DNAAF11: variants seen among roughly 807,000 people sequenced by gnomAD.
The protein encoded by DNAAF11 is leucine rich repeat containing 6.
Under a neutral mutation model 60.8 loss-of-function variants are expected in DNAAF11, and 45 were observed. The observed-to-expected ratio is 0.74, with a 90% CI of 0.58 to 0.95. The LOEUF (loss-of-function observed/expected upper bound fraction) is 0.95. Among genes scored for constraint, DNAAF11 ranks in the 40% least tolerant of loss-of-function variants. The pLI is 0.00. For missense variants in DNAAF11, 546 were observed against 546.2 expected (o/e 1.00, Z 0.00); for synonymous variants, 191 against 183.5 (o/e 1.04, Z -0.33).
intron 10 of DNAAF11, among the ~76,000 whole-genome samples, chr8:132,585,081 A>C (rs1257110116): frequency 6.6e-6 from 1 of 152,166 alleles, no homozygotes. Context: ...TAAATCCCCA[A>C]AGCCTAGCCC....
intron 10 of DNAAF11, among the ~76,000 whole-genome samples, chr8:132,607,437 G>C (rs1818240649): frequency 6.6e-6 from 1 of 152,106 alleles, no homozygotes; most frequent in Non-Finnish European, 1.5e-5. Context: ...TTGGAACAAG[G>C]GGCTGAGCTG....
chr8:132,654,860 T>TAA (rs1261886237), intron 3 of DNAAF11, among the ~76,000 whole-genome samples: 1 of 151,812 alleles, frequency 6.6e-6, no homozygotes, highest in Non-Finnish European at 1.5e-5. Flanking sequence ...TTGTCTGTCT[T>TAA]AAGAAACTAG....
At chr8:132,595,707 G>C (rs1816944010) in intron 10 of DNAAF11, among the ~76,000 whole-genome samples, 1 of 152,018 alleles carries the variant, frequency 6.6e-6, no homozygotes, top group Admixed American at 6.6e-5. Flanking sequence ...TTTACATTGT[G>C]TTCTATTTCT....
At chr8:132,602,582 T>A (rs965474876) in intron 10 of DNAAF11, among the ~76,000 whole-genome samples, 1 of 151,918 alleles carries the variant, frequency 6.6e-6, no homozygotes, top group Non-Finnish European at 1.5e-5. Flanking sequence ...TTCTAACAAT[T>A]TAATGCCCAC....
chr8:132,683,254 G>A, the DNAAF11 span, among the ~76,000 whole-genome samples: 1 of 152,198 alleles, frequency 6.6e-6, no homozygotes, highest in Non-Finnish European at 1.5e-5. Context: ...TCAATGACTT[G>A]TCTATGTAGA....
intron 10 of DNAAF11, among the ~76,000 whole-genome samples, chr8:132,598,320 T>C (rs1336130245): frequency 2.0e-5 from 3 of 152,208 alleles, no homozygotes; most frequent in African/African-American, 7.2e-5. Flanking sequence ...GTGTTTTCTA[T>C]GACATGACAC....
rs559073925 is a variant in DNAAF11, at chr8:132,572,243, G to A, written c.*63C>T. ...TTATCCCAGGAATAATATGCATATG[G>A]TCTCTACACCAACCAAAACTGGACC... On this transcript the variant is annotated 3_prime_UTR_variant, in exon 12 of 12. Coordinates refer to ENST00000620350, the MANE Select transcript of DNAAF11 (RefSeq NM_012472.6). The A allele has an allele frequency of 1.4e-6, 2 of 1,404,246 alleles. No homozygotes were observed. Among genetic ancestry groups the A allele is most frequent in the Non-Finnish European group, 2.0e-6 (2 of 1,016,790 alleles). The allele number at this position is 1,404,246 out of a possible 1,614,324, so 87.0% of individuals were successfully genotyped here. A position where few individuals can be genotyped will look rare whatever the true frequency, so the allele number is the denominator to read the frequency against.
upstream of DNAAF11, among the ~76,000 whole-genome samples, chr8:132,680,231 G>C (rs1311899187): frequency 6.6e-6 from 1 of 152,182 alleles, no homozygotes; most frequent in Admixed American, 6.5e-5. Context: ...AAAGAGTTGT[G>C]GTGTGTGTCT....
At chr8:132,673,112 GACC>G (rs1459612488) in intron 1 of DNAAF11, among the ~76,000 whole-genome samples, 2 of 152,100 alleles carry the variant, frequency 1.3e-5, no homozygotes, top group Non-Finnish European at 2.9e-5. Context: ...AGCAAAAGAG[GACC>G]ACTTTCTCCA....
intron 2 of DNAAF11, among the ~76,000 whole-genome samples, chr8:132,657,898 T>C (rs902614805): frequency 5.9e-5 from 9 of 152,184 alleles, no homozygotes; most frequent in Admixed American, 4.6e-4. Flanking sequence ...GCTAGGAAAG[T>C]TGACTCCAGA....
At chr8:132,691,918 G>T in the DNAAF11 span, among the ~76,000 whole-genome samples, 791 of 152,290 alleles carry the variant, frequency 5.2e-3, 2 homozygotes, top group Non-Finnish European at 9.0e-3. Flanking sequence ...AGCAGACCAC[G>T]TGGGAGATGC....
chr8:132,672,057 A>G (rs1825241034), intron 1 of DNAAF11, among the ~76,000 whole-genome samples: 1 of 152,236 alleles, frequency 6.6e-6, no homozygotes, highest in Non-Finnish European at 1.5e-5. Flanking sequence ...GAAGGAAAAT[A>G]TAAGCCATAG....
chr8:132,677,326 C>T (rs1825796698), upstream of DNAAF11, among the ~76,000 whole-genome samples: 1 of 152,132 alleles, frequency 6.6e-6, no homozygotes, highest in Non-Finnish European at 1.5e-5. Context: ...CTGACAAAAG[C>T]ATGAGGTCAG....
intron 1 of DNAAF11, among the ~76,000 whole-genome samples, chr8:132,669,617 C>T (rs1189045824): frequency 6.6e-6 from 1 of 152,118 alleles, no homozygotes; most frequent in Non-Finnish European, 1.5e-5. Context: ...TTTTCATTTC[C>T]TGAAACCAGA....
intron 1 of DNAAF11, among the ~76,000 whole-genome samples, chr8:132,663,898 T>G (rs982066814): frequency 1.3e-5 from 2 of 152,158 alleles, no homozygotes; most frequent in Non-Finnish European, 2.9e-5. Flanking sequence ...ATGGCATGGA[T>G]GTATAGGCTG....
intron 10 of DNAAF11, among the ~76,000 whole-genome samples, chr8:132,593,022 G>A (rs947992609): frequency 6.6e-6 from 1 of 151,856 alleles, no homozygotes; most frequent in African/African-American, 2.4e-5. Flanking sequence ...GAGAGGGTAA[G>A]AATGAGGAGA....
intron 1 of DNAAF11, among the ~76,000 whole-genome samples, chr8:132,669,940 C>CAAAAAAAAAAAAAAAAAAA (rs35402875): frequency 2.9e-5 from 2 of 69,786 alleles, no homozygotes; most frequent in African/African-American, 8.0e-5. Context: ...GACTCCGTCT[C>CAAAAAAAAAAAAAAAAAAA]AAAAAAAAAA....
intron 4 of DNAAF11, among the ~76,000 whole-genome samples, chr8:132,635,123 G>C (rs1218568440): frequency 6.6e-6 from 1 of 152,094 alleles, no homozygotes; most frequent in Non-Finnish European, 1.5e-5. Context: ...CCTATTCTAG[G>C]AACCTCACTT....
At chr8:132,578,650 T>G (rs964952883) in intron 11 of DNAAF11, 1 of 581,058 alleles carries the variant, frequency 1.7e-6, no homozygotes. Flanking sequence ...AAAGAACTTT[T>G]TTCTGGTTTC....
Sources: allele counts gnomAD v4.1 joint callset (sites outside exome capture counted in the v4.1 genomes callset), GRCh38; gene constraint gnomAD v4.1.1; transcripts MANE v1.5; gene names NCBI Gene and HGNC (gene_info 2026-07-23, HGNC 2026-07-21).